The following DRC3 variants were observed in gnomAD, a reference collection of about 807,000 sequenced individuals.
DRC3 encodes the protein leucine rich repeat containing 48.
In DRC3, 45 loss-of-function variants were observed where a neutral mutation model predicts 57.6. That is an observed-to-expected ratio of 0.78 (90% CI 0.62 to 1.00). The LOEUF is 1.00. Ranked by LOEUF, DRC3 falls within the 50% of genes least tolerant of loss-of-function variation. The probability of loss-of-function intolerance (pLI) is 0.00; values close to 1 mark genes in which losing one functional copy is unlikely to be tolerated. For synonymous variants in DRC3, 257 were observed against 272.3 expected, an observed-to-expected ratio of 0.94 and a Z score of 0.55; for missense variants, 655 against 675.2, an observed-to-expected ratio of 0.97 and a Z score of 0.33.
chr17:17,975,331 C>T (rs1244420725), intron 2 of DRC3, among the ~76,000 whole-genome samples: 1 of 151,870 alleles, frequency 6.6e-6, no homozygotes, highest in East Asian at 1.9e-4. Context: ...CCTGCCTCAG[C>T]CTGTCAAGTA....
In DRC3 at chr17:18,004,351, T is replaced by C; in HGVS notation, c.1000-12T>C. On this transcript the variant is annotated splice_polypyrimidine_tract_variant and intron_variant, in intron 9 of 13. Transcript: ENST00000399187. ...AGTTGTTGATTCCTAAAGTGCAGTC[T>C]ATTGTTTCTAGAGTTTAAGTGCCAT... 6.3e-7 allele frequency: 1 copy of C among 1,595,100 alleles called. No individual in the cohort carries two copies. Among genetic ancestry groups the C allele is most frequent in the South Asian group, 1.1e-5 (1 of 88,106 alleles).
chr17:18,006,988 G>T (rs748770508), intron 11 of DRC3, 36 bp from the exon 12 acceptor site: 1 of 1,610,868 alleles, frequency 6.2e-7, no homozygotes, highest in Non-Finnish European at 8.5e-7. Flanking sequence ...CGCCGGGCCT[G>T]CTCCTCCCGG....
chr17:18,004,024 T>C (rs2043854433), intron 9 of DRC3, among the ~76,000 whole-genome samples: 1 of 152,076 alleles, frequency 6.6e-6, no homozygotes. Context: ...CTGAACCCCA[T>C]GAAAGCCATG....
chr17:18,012,412 G>T (rs906902028), intron 12 of DRC3, among the ~76,000 whole-genome samples: 2 of 152,212 alleles, frequency 1.3e-5, no homozygotes, highest in African/African-American at 4.8e-5. Context: ...GGGCGCAGTG[G>T]CTCATGCCTG....
In DRC3 at chr17:18,008,492, A is replaced by G. The variant is rs2044057728; in HGVS notation, c.1326+1345A>G. 1.3e-5 allele frequency among the ~76,000 whole-genome samples: 2 copies of G among 152,242 alleles called. No individual in the cohort carries two copies. The highest frequency in any genetic ancestry group is 2.4e-5 in the African/African-American group (1 of 41,468). On this transcript the variant is annotated intron_variant, in intron 12 of 13. Transcript: ENST00000399187. This position sits in a 1 kb window ranked among gnomAD's most constrained non-coding sequence, Gnocchi z 4.3. The stretch of plus-strand genomic sequence containing the variant: ...AGCAACAGTGTACAACATGCAGCAC[A>G]GATGCCAGGCATCATCTGCAGAATG...
chr17:18,007,675 C>G, intron 12 of DRC3: 1 of 1,346,708 alleles, frequency 7.4e-7, no homozygotes. Flanking sequence ...AGAAGGCTCT[C>G]CCGGATGTCT....
chr17:17,975,210 C>CT lies in DRC3; in HGVS notation c.-18+1265dup, dbSNP rs5819639. Among the ~76,000 whole-genome samples the CT allele has an allele frequency of 1.7e-3, 235 of 138,000 alleles. 2 individuals carry two copies. Among genetic ancestry groups the CT allele is most frequent in the East Asian group, 1.9e-3 (9 of 4,708 alleles). The allele number at this position is 138,000 out of a possible 152,430, so 90.5% of individuals were successfully genotyped here. A position where few individuals can be genotyped will look rare whatever the true frequency, so the allele number is the denominator to read the frequency against. On this transcript the variant is annotated intron_variant, in intron 2 of 13. Coordinates refer to ENST00000399187, the MANE Select transcript of DRC3 (RefSeq NM_031294.4). Reference sequence around the variant, plus strand: ...AGAGTCATTTCCCAAAGTATAGCACCTTTTTTTTTTTTTTTTTCTTGATGG... The same window carrying CT: ...AGAGTCATTTCCCAAAGTATAGCACCTTTTTTTTTTTTTTTTTTCTTGATGG...
chr17:18,009,517 T>A (rs1419026274), intron 12 of DRC3, among the ~76,000 whole-genome samples: 1 of 152,200 alleles, frequency 6.6e-6, no homozygotes, highest in African/African-American at 2.4e-5. Context: ...AATCTTCACA[T>A]CAACACGGAA....
chr17:18,007,721 G>C, intron 12 of DRC3: 1 of 1,235,144 alleles, frequency 8.1e-7, no homozygotes, highest in Non-Finnish European at 1.0e-6. Flanking sequence ...TATGTCTCTG[G>C]AAGGAGTGTG....
At chr17:17,998,319 G>GACTC (rs2043548318) in intron 9 of DRC3, among the ~76,000 whole-genome samples, 2 of 152,218 alleles carry the variant, frequency 1.3e-5, no homozygotes, top group Admixed American at 1.3e-4. Context: ...GGGTGGTCAG[G>GACTC]ACTCAGCCTA....
intron 12 of DRC3, 125 bp from the exon 13 acceptor site, chr17:18,015,939 G>C (rs2044344796): frequency 1.1e-6 from 1 of 951,212 alleles, no homozygotes; most frequent in South Asian, 1.6e-5. Context: ...ATACAAAGGT[G>C]GGCTCTGCTC....
intron 9 of DRC3, among the ~76,000 whole-genome samples, chr17:17,998,702 T>G (rs879936171): frequency 6.6e-6 from 1 of 152,156 alleles, no homozygotes; most frequent in Non-Finnish European, 1.5e-5. Flanking sequence ...CCCCCATTCC[T>G]GTCTCATTAA....
intron 5 of DRC3, among the ~76,000 whole-genome samples, chr17:17,991,526 G>A (rs563882020): frequency 2.6e-5 from 4 of 151,632 alleles, no homozygotes; most frequent in Admixed American, 6.6e-5. Flanking sequence ...TCCATCTCCT[G>A]ACCTCAAGAT....
At chr17:17,975,510 T>TCCCCCCC (rs1452301866) in intron 2 of DRC3, among the ~76,000 whole-genome samples, 15 of 115,912 alleles carry the variant, frequency 1.3e-4, no homozygotes, top group African/African-American at 4.0e-4. Flanking sequence ...GCGCCTGACC[T>TCCCCCCC]CCCCACCCCC....
At chr17:18,014,878 TTAA>T (rs2145463937) in intron 12 of DRC3, among the ~76,000 whole-genome samples, 1 of 152,276 alleles carries the variant, frequency 6.6e-6, no homozygotes, top group South Asian at 2.1e-4. Flanking sequence ...TGGAAAGAAC[TTAA>T]TAATTTCTTG....
intron 3 of DRC3, chr17:17,977,962 A>G (rs1045132244): frequency 4.0e-6 from 2 of 495,184 alleles, no homozygotes; most frequent in Non-Finnish European, 7.0e-6. Flanking sequence ...TTGAATATCC[A>G]CGACGCTCCG....
Position 17,995,047 on chromosome 17 carries a change from T to G in DRC3, c.760T>G (p.Tyr254Asp). ...TGGCTCCTTCCTGTTTGACAGCATGTACGCTGAGGACTCAGAGGGCAACAA... is the reference window on the plus strand; with the variant it reads ...TGGCTCCTTCCTGTTTGACAGCATGGACGCTGAGGACTCAGAGGGCAACAA... ...LNGSFLFDSM[Y>D]AEDSEGNNLS... is the part of the protein sequence containing the mutation. Residue 254 changes from tyrosine to aspartate, a missense_variant, in exon 8 of 14, where the codon TAC becomes GAC. Transcript: ENST00000399187. 1.2e-6 allele frequency: 2 copies of G among 1,613,966 alleles called. No homozygotes were observed. The highest frequency in any genetic ancestry group is 4.5e-5 in the East Asian group (2 of 44,878).
intron 12 of DRC3, chr17:18,007,926 C>T (rs913899748): frequency 6.7e-6 from 6 of 896,786 alleles, no homozygotes; most frequent in Non-Finnish European, 8.0e-6. Flanking sequence ...TGTCCTCTTA[C>T]AGTCCGTCCT....
intron 3 of DRC3, among the ~76,000 whole-genome samples, chr17:17,978,263 G>C (rs1267013051): frequency 6.6e-6 from 1 of 152,152 alleles, no homozygotes; most frequent in Non-Finnish European, 1.5e-5. Flanking sequence ...GGAGTGAGAA[G>C]ATGTGGCTCA....
Sources: gnomAD v4.1 joint callset for allele counts (sites outside exome capture counted in the v4.1 genomes callset) on GRCh38, gnomAD v4.1.1 for gene constraint, Gnocchi (gnomAD v3.1) non-coding constraint, MANE v1.5 for transcripts, NCBI Gene and HGNC (gene_info 2026-07-23, HGNC 2026-07-21) for gene names.